Variants in DCHS1 observed in about 807,000 individuals in gnomAD.
DCHS1 encodes the protein dachsous cadherin-related 1.
A neutral mutation model predicts 213.9 loss-of-function variants in DCHS1; 78 were observed. The observed-to-expected ratio is 0.36, with a 90% CI of 0.30 to 0.44. The LOEUF (loss-of-function observed/expected upper bound fraction) is 0.44, where lower values mean the gene tolerates loss of function less well. Among genes scored for constraint, DCHS1 ranks in the 20% least tolerant of loss-of-function variants. The probability of loss-of-function intolerance (pLI) is 1.00; values close to 1 mark genes in which losing one functional copy is unlikely to be tolerated. For missense variants in DCHS1, 3,946 were observed against 4,395.9 expected, an observed-to-expected ratio of 0.90 and a Z score of 2.89; for synonymous variants, 1,828 against 1,873.7, an observed-to-expected ratio of 0.98 and a Z score of 0.63.
Position 6,632,242 on chromosome 11 carries a change from G to C in DCHS1, c.3270C>G (p.Thr1090=), listed in dbSNP as rs758991950. The C allele has an allele frequency of 6.2e-7, 1 of 1,613,766 alleles. No homozygotes were observed. Among genetic ancestry groups the C allele is most frequent in the Non-Finnish European group, 8.5e-7 (1 of 1,179,748 alleles). The change falls in exon 6 of 21, where the codon ACC becomes ACG. Residue 1090 remains threonine, a synonymous_variant. Coordinates refer to ENST00000299441, the MANE Select transcript of DCHS1 (RefSeq NM_003737.4). This position sits in a 1 kb window ranked among gnomAD's most constrained non-coding sequence, Gnocchi z 5.9. ...TCTGGTTGAGGATGCTGACCCTCAC[G>C]GTGGCTGTGCCTGTCTGCTGCCCCA... ...AELGQQTGTA[T]VRVSILNQNE...
Position 6,630,513 on chromosome 11 carries a change from C to CTGCACT in DCHS1, c.4275_4280dup (p.Val1426_Gln1427dup). ...AGGCGGGCGCATGCTCATTCTCGTC[C>CTGCACT]TGCACTTGCACCTGCACTCGCAGCA... On this transcript the variant is annotated inframe_insertion, in exon 10 of 21. Transcript: ENST00000299441. The CTGCACT allele has an allele frequency of 6.5e-7, 1 of 1,539,756 alleles. No individual in the cohort carries two copies. Among genetic ancestry groups the CTGCACT allele is most frequent in the Non-Finnish European group, 8.7e-7 (1 of 1,149,758 alleles).
At chr11:6,639,209 C>T (rs1462193353) in intron 2 of DCHS1, among the ~76,000 whole-genome samples, 1 of 152,178 alleles carries the variant, frequency 6.6e-6, no homozygotes, top group African/African-American at 2.4e-5. Context: ...CTCAGAGTGC[C>T]TTTCCAGTTT....
chr11:6,655,449 A>C (rs1191989467), intron 1 of DCHS1, 114 bp downstream of exon 1: 74 of 523,266 alleles, frequency 1.4e-4, no homozygotes, highest in East Asian at 5.9e-4. Flanking sequence ...CCCCTCCCCC[A>C]TTGTCTCCGG....
At position 6,640,211 on chromosome 11, in the gene DCHS1, T is replaced by C. The variant is rs1856046817; in HGVS notation, c.1403A>G (p.Asn468Ser). The C allele has an allele frequency of 4.3e-6, 7 of 1,613,272 alleles. No homozygotes were observed. The highest frequency in any genetic ancestry group is 5.9e-6 in the Non-Finnish European group (7 of 1,179,670). Residue 468 changes from asparagine to serine, a missense_variant, in exon 2 of 21, where the codon AAT becomes AGT. Asn to Ser is a conservative substitution (Grantham distance 46). Around this residue, in one of 3 missense-constraint regions of DCHS1, gnomAD observed 3,384 missense variants for 3,780.1 expected, o/e 0.90. Transcript: ENST00000299441. This position sits in a 1 kb window ranked among gnomAD's most constrained non-coding sequence, Gnocchi z 6.5. ...FVLHVTDVNDNAPAFDRQLYR... is the reference protein window; with the variant it reads ...FVLHVTDVNDSAPAFDRQLYR... ...GAGCTGGCGGTCAAAGGCAGGTGCA[T>C]TGTCGTTGACATCAGTGACGTGCAG...
In DCHS1 at chr11:6,639,888, G is replaced by C; in HGVS notation, c.1726C>G (p.Pro576Ala). ...TTGTAGAAAGTCCTCTGGAATTGGGGCTCATTATCATTCACATCTTGCAGG... is the reference window on the plus strand; with the variant it reads ...TTGTAGAAAGTCCTCTGGAATTGGGCCTCATTATCATTCACATCTTGCAGG... ...VALQDVNDNE[P>A]QFQRTFYNAS... Residue 576 changes from proline to alanine, a missense_variant, in exon 2 of 21, where the codon CCC becomes GCC. Around this residue, in one of 3 missense-constraint regions of DCHS1, gnomAD observed 3,384 missense variants for 3,780.1 expected, o/e 0.90. Transcript: ENST00000299441. 6.2e-7 allele frequency: 1 copy of C among 1,613,820 alleles called. No homozygotes were observed. Among genetic ancestry groups the C allele is most frequent in the Non-Finnish European group, 8.5e-7 (1 of 1,179,768 alleles).
intron 1 of DCHS1, among the ~76,000 whole-genome samples, chr11:6,651,883 T>C (rs1440102736): frequency 5.4e-5 from 8 of 146,954 alleles, no homozygotes; most frequent in Non-Finnish European, 8.8e-5. Context: ...AAGGGGTCGG[T>C]GAGCTATACA....
intron 1 of DCHS1, among the ~76,000 whole-genome samples, chr11:6,652,299 A>G (rs1159272530): frequency 6.6e-6 from 1 of 152,198 alleles, no homozygotes; most frequent in Non-Finnish European, 1.5e-5. Flanking sequence ...ACTTTTGAAA[A>G]GATCCTCCAG....
Position 6,641,300 on chromosome 11 carries a change from C to T in DCHS1, c.314G>A (p.Arg105His), listed in dbSNP as rs376015879. ...GTCCCGCTGCTCACGGTCCAAGACA[C>T]GGGCTGTACGGACGACCCCACTGTG... is the stretch of plus-strand genomic sequence containing the variant. Reference protein sequence around the residue: ...DEHSGVVRTARVLDREQRDRY... With the variant: ...DEHSGVVRTAHVLDREQRDRY... The change falls in exon 2 of 21, where the codon CGT (arginine) becomes CAT (histidine). Residue 105 changes from arginine to histidine, a missense_variant. Coordinates refer to ENST00000299441, the MANE Select transcript of DCHS1 (RefSeq NM_003737.4). The surrounding 1 kb of genome is among the most constrained non-coding windows in gnomAD (Gnocchi z 7.1). 24 of 1,613,574 alleles carry T rather than the reference C, an allele frequency of 1.5e-5. No homozygotes were observed. Among genetic ancestry groups the T allele is most frequent in the Non-Finnish European group, 1.8e-5 (21 of 1,179,898 alleles).
rs1454557532 is a variant in DCHS1, at chr11:6,623,087, C to T, written c.8589G>A (p.Gln2863=). The T allele has an allele frequency of 6.3e-7, 1 of 1,597,250 alleles. No homozygotes were observed. The highest frequency in any genetic ancestry group is 8.5e-7 in the Non-Finnish European group (1 of 1,171,956). ...CCCGCAGGTACAGGGCTCCTGTAGT[C>T]TGGTTAATACCAAAATAGGGGGAAG... ...ATSSPYFGIN[Q]TTGALYLRVD... The change falls in exon 21 of 21, where the codon CAG becomes CAA. Residue 2863 remains glutamine, a synonymous_variant. Transcript: ENST00000299441.
intron 12 of DCHS1, among the ~76,000 whole-genome samples, chr11:6,629,250 G>T (rs776046454): frequency 6.6e-6 from 1 of 152,186 alleles, no homozygotes; most frequent in South Asian, 2.1e-4. Context: ...GAATTTGTAC[G>T]GTCACAGTTG....
chr11:6,652,598 A>C (rs1402195657), intron 1 of DCHS1, among the ~76,000 whole-genome samples: 1 of 152,174 alleles, frequency 6.6e-6, no homozygotes, highest in African/African-American at 2.4e-5. Flanking sequence ...TCCCTGTGGA[A>C]GAGGAAGGGG....
chr11:6,633,391 G>C, intron 5 of DCHS1, 21 bp downstream of exon 5: 1 of 1,545,388 alleles, frequency 6.5e-7, no homozygotes, highest in Non-Finnish European at 8.8e-7. Flanking sequence ...GACACCAAGT[G>C]GGTATAAAGC....
rs1298395789 is a variant in DCHS1 at position 6,626,162 on chromosome 11, C to T, written c.6576+7G>A. On this transcript the variant is annotated splice_region_variant and intron_variant, in intron 16 of 20. Transcript: ENST00000299441. The surrounding 1 kb of genome is among the most constrained non-coding windows in gnomAD (Gnocchi z 5.2). Reference sequence around the variant, plus strand: ...CCCCCGCCCAATCTTTCCATCACACCCCGCACCTGCAGCAGGGGCCCCTCC... The same window carrying T: ...CCCCCGCCCAATCTTTCCATCACACTCCGCACCTGCAGCAGGGGCCCCTCC... 2 of 1,601,956 alleles carry T rather than the reference C, an allele frequency of 1.2e-6. No homozygotes were observed. The highest frequency in any genetic ancestry group is 2.3e-5 in the East Asian group (1 of 44,238).
chr11:6,627,879 T>C lies in DCHS1; in HGVS notation c.5372-212A>G, dbSNP rs990398214. 2.6e-5 allele frequency among the ~76,000 whole-genome samples: 4 copies of C among 152,236 alleles called. No homozygotes were observed. Among genetic ancestry groups the C allele is most frequent in the Non-Finnish European group, 4.4e-5 (3 of 68,040 alleles). ...GGAACCCCGGGAGTCCCCCAAGTCC[T>C]TTTCATGTGCATAAGATCAAAATTA... On this transcript the variant is annotated intron_variant, in intron 13 of 20. Transcript: ENST00000299441. The surrounding 1 kb of genome is among the most constrained non-coding windows in gnomAD (Gnocchi z 5.4).
At position 6,629,708 on chromosome 11, in the gene DCHS1, A is replaced by G. The variant is rs753533619; in HGVS notation, c.4999T>C (p.Ser1667Pro). The change falls in exon 11 of 21, where the codon TCT (serine) becomes CCT (proline). Residue 1667 changes from serine (S) to proline (P), a missense_variant. By Grantham distance (74) the Ser-to-Pro change is moderately conservative (BLOSUM62 -1). Coordinates refer to ENST00000299441, the MANE Select transcript of DCHS1 (RefSeq NM_003737.4). The stretch of plus-strand genomic sequence containing the variant: ...TCGGTTGCTCGCAGGGTGAGCAGAG[A>G]TGTGCCAGGAGGGTTGTTCTCACGC... Reference protein sequence around the residue: ...LLRENNPPGTSLLTLRATDPD... With the variant: ...LLRENNPPGTPLLTLRATDPD... 1.1e-5 allele frequency: 18 copies of G among 1,613,646 alleles called. No individual in the cohort carries two copies. Among genetic ancestry groups the G allele is most frequent in the African/African-American group, 1.3e-5 (1 of 74,922 alleles).
chr11:6,621,638 A>C lies in DCHS1; in HGVS notation c.*141T>G. 1.1e-6 allele frequency: 1 copy of C among 923,952 alleles called. No individual in the cohort carries two copies. Among genetic ancestry groups the C allele is most frequent in the Non-Finnish European group, 1.7e-6 (1 of 588,724 alleles). The allele number at this position is 923,952 out of a possible 1,614,324, so 57.2% of individuals were successfully genotyped here. A position where few individuals can be genotyped will look rare whatever the true frequency, so the allele number is the denominator to read the frequency against. On this transcript the variant is annotated 3_prime_UTR_variant, in exon 21 of 21. Transcript: ENST00000299441. ...TCCTAGTACTCTGAGGGGGCTGGGGAGTTCAGGGTGGAGAGCTGGGGCCTG... is the reference window on the plus strand; with the variant it reads ...TCCTAGTACTCTGAGGGGGCTGGGGCGTTCAGGGTGGAGAGCTGGGGCCTG...
Position 6,623,330 on chromosome 11 carries a change from C to G in DCHS1, c.8346G>C (p.Arg2782=). The G allele has an allele frequency of 1.3e-6, 2 of 1,593,926 alleles. No individual in the cohort carries two copies. Among genetic ancestry groups the G allele is most frequent in the Non-Finnish European group, 1.7e-6 (2 of 1,170,202 alleles). Residue 2782 remains arginine, a synonymous_variant, in exon 21 of 21, where the codon CGG becomes CGC. Transcript: ENST00000299441. ...PFDYEHTESF[R]LLVGAADAGN... ...CAGCATCAGCAGCACCCACCAGCAG[C>G]CGGAAGCTTTCTGTGTGCTCATAGT...
At chr11:6,629,421 C>A in intron 12 of DCHS1, 31 bp downstream of exon 12, 1 of 1,610,624 alleles carries the variant, frequency 6.2e-7, no homozygotes, top group Non-Finnish European at 8.5e-7. Flanking sequence ...CAACACCTCA[C>A]TCAGGCTCTT....
chr11:6,641,155 A>G lies in DCHS1; in HGVS notation c.459T>C (p.Pro153=), dbSNP rs1412418845. The change falls in exon 2 of 21, where the codon CCT becomes CCC. Residue 153 remains proline (P), a synonymous_variant. Transcript: ENST00000299441. The surrounding 1 kb of genome is among the most constrained non-coding windows in gnomAD (Gnocchi z 7.1). ...FPQARAALQV[P]EHTAFGTRYP... is the part of the protein sequence containing the mutation. ...AGCGGGTGCCAAAAGCTGTATGCTCAGGTACCTGCAGGGCAGCCCGAGCCT... is the reference window on the plus strand; with the variant it reads ...AGCGGGTGCCAAAAGCTGTATGCTCGGGTACCTGCAGGGCAGCCCGAGCCT... 1.2e-6 allele frequency: 2 copies of G among 1,613,502 alleles called. No homozygotes were observed. Among genetic ancestry groups the G allele is most frequent in the African/African-American group, 2.7e-5 (2 of 74,944 alleles).
Sources: allele counts gnomAD v4.1 joint callset (sites outside exome capture counted in the v4.1 genomes callset), GRCh38; gene constraint gnomAD v4.1.1; regional missense constraint gnomAD v4.1.1; non-coding constraint Gnocchi (gnomAD v3.1); transcripts MANE v1.5; gene names NCBI Gene and HGNC (gene_info 2026-07-23, HGNC 2026-07-21).